The following BRD4 variants were observed in gnomAD, a reference collection of about 807,000 sequenced individuals.
BRD4 encodes the protein bromodomain-containing protein 4.
Under a neutral mutation model 142.1 loss-of-function variants are expected in BRD4, and 16 were observed. The observed-to-expected ratio is 0.11, with a 90% confidence interval of 0.08 to 0.17. The LOEUF is 0.17. Ranked by LOEUF, BRD4 falls within the 10% of genes least tolerant of loss-of-function variation. BRD4 has a pLI of 1.00. For synonymous variants in BRD4, 833 were observed against 707.5 expected (o/e 1.18, Z -2.82); for missense variants, 1,424 against 1,810.9 (o/e 0.79, Z 3.88).
chr19:15,327,992 C>T (rs2145016089), intron 1 of BRD4, among the ~76,000 whole-genome samples: 1 of 141,398 alleles, frequency 7.1e-6, no homozygotes, highest in Middle Eastern at 4.3e-3. Flanking sequence ...CATTTAAAAA[C>T]TGATGATTGT....
In BRD4 at chr19:15,242,991, C is replaced by T. The variant is rs767072313; in HGVS notation, c.3078G>A (p.Gln1026=). The T allele has an allele frequency of 2.8e-5, 21 of 753,324 alleles. No individual in the cohort carries two copies. Among genetic ancestry groups the T allele is most frequent in the Admixed American group, 5.4e-5 (2 of 36,740 alleles). The allele number at this position is 753,324 out of a possible 1,614,324, so 46.7% of individuals were successfully genotyped here. The change falls in exon 14 of 20, where the codon CAG becomes CAA. Residue 1026 remains glutamine, a synonymous_variant. Transcript: ENST00000679869. ...TGGCAGGCTGCGGCGGGGGTGGCTG[C>T]TGGCCTGGGGGCGGATGGGGGGGCT... is the stretch of plus-strand genomic sequence containing the variant. ...GQQPPHPPPG[Q]QPPPPQPAKP...
chr19:15,265,589 G>A lies in BRD4; in HGVS notation c.614C>T (p.Pro205Leu). Residue 205 changes from proline (P) to leucine (L), a missense_variant, in exon 5 of 20, where the codon CCT becomes CTT. Pro to Leu is a moderately conservative substitution (Grantham distance 98, BLOSUM62 -3). Around this residue, in one of 16 missense-constraint regions of BRD4, gnomAD observed 140 missense variants for 131.7 expected, o/e 1.06. Transcript: ENST00000679869. Reference sequence around the variant, plus strand: ...CGGCTGAGGGGTCTGGGTCTGCGGAGGAGTCGATGCTTGAGTTGTGTTTGG... The same window carrying A: ...CGGCTGAGGGGTCTGGGTCTGCGGAAGAGTCGATGCTTGAGTTGTGTTTGG... ...TVPNTTQASTPPQTQTPQPNP... is the reference protein window; with the variant it reads ...TVPNTTQASTLPQTQTPQPNP... 6 of 1,614,152 alleles carry A rather than the reference G, an allele frequency of 3.7e-6. No individual in the cohort carries two copies. Among genetic ancestry groups the A allele is most frequent in the East Asian group, 2.2e-5 (1 of 44,884 alleles).
chr19:15,260,942 G>T (rs1371962609), intron 7 of BRD4, among the ~76,000 whole-genome samples: 1 of 152,234 alleles, frequency 6.6e-6, no homozygotes, highest in Non-Finnish European at 1.5e-5. Context: ...ATCAGAGGGT[G>T]CTTTTTCTTT....
At chr19:15,296,284 C>T (rs2047822256) in intron 1 of BRD4, among the ~76,000 whole-genome samples, 1 of 152,146 alleles carries the variant, frequency 6.6e-6, no homozygotes, top group Non-Finnish European at 1.5e-5. Context: ...CCGAAGACTC[C>T]TGGATAAGAA....
rs1228575969 is a variant in BRD4 at position 15,271,992 on chromosome 19, T to C, written c.285+823A>G. Among the ~76,000 whole-genome samples, 3 of 145,414 alleles carry C rather than the reference T, an allele frequency of 2.1e-5. No individual in the cohort carries two copies. In the Admixed American group the frequency reaches 2.1e-4, roughly 10 times the overall value. On this transcript the variant is annotated intron_variant, in intron 2 of 19. Coordinates refer to ENST00000679869, the MANE Select transcript of BRD4 (RefSeq NM_001379291.1). ...TGGGTCAGTGGCTGCAACCACCTAATGCACTTGCCAGGGGGTGTACAGGAC... is the reference window on the plus strand; with the variant it reads ...TGGGTCAGTGGCTGCAACCACCTAACGCACTTGCCAGGGGGTGTACAGGAC...
intron 1 of BRD4, among the ~76,000 whole-genome samples, chr19:15,331,051 A>G (rs1173810010): frequency 6.6e-6 from 1 of 152,142 alleles, no homozygotes; most frequent in Non-Finnish European, 1.5e-5. Flanking sequence ...TGAGGCATAC[A>G]TTCCAAGGGG....
intron 1 of BRD4, among the ~76,000 whole-genome samples, chr19:15,292,545 G>A (rs1418477849): frequency 1.3e-5 from 2 of 152,194 alleles, no homozygotes; most frequent in South Asian, 2.1e-4. Context: ...CTGGGAGGCC[G>A]AGGCGGGCGG....
chr19:15,315,152 G>GT (rs766690592), intron 1 of BRD4, among the ~76,000 whole-genome samples: 18 of 148,778 alleles, frequency 1.2e-4, no homozygotes, highest in South Asian at 2.1e-4. Flanking sequence ...GACTGGCTTT[G>GT]TTTTTTTTTT....
chr19:15,331,843 G>A (rs1174370965), intron 1 of BRD4: 1 of 147,418 alleles, frequency 6.8e-6, no homozygotes, highest in Non-Finnish European at 1.5e-5. Context: ...TACCCGGGCC[G>A]GGCGCGCCGC....
In BRD4 at chr19:15,238,863, T is replaced by C. The variant is rs762603057; in HGVS notation, c.3900A>G (p.Gln1300=). ...RQEQQQQQQQ[Q]AAAVAAAATP... is the part of the protein sequence containing the mutation. ...TGGCGGCGGCAGCCACCGCAGCTGC[T>C]TGCTGTTGCTGCTGCTGCTGTTGCT... The change falls in exon 19 of 20, where the codon CAA becomes CAG. Residue 1300 remains glutamine (Q), a synonymous_variant. Coordinates refer to ENST00000679869, the MANE Select transcript of BRD4 (RefSeq NM_001379291.1). The surrounding 1 kb of genome is among the most constrained non-coding windows in gnomAD (Gnocchi z 7.2). The C allele has an allele frequency of 1.2e-6, 2 of 1,601,248 alleles. No homozygotes were observed. Among genetic ancestry groups the C allele is most frequent in the Non-Finnish European group, 1.7e-6 (2 of 1,174,600 alleles).
At chr19:15,265,767 G>T in intron 4 of BRD4, 124 bp from the exon 5 acceptor site, 1 of 1,038,286 alleles carries the variant, frequency 9.6e-7, no homozygotes, top group Admixed American at 1.8e-5. Flanking sequence ...CCTGAGAGAC[G>T]AACATCCCAG....
rs560435464 is a variant in BRD4 at position 15,239,452 on chromosome 19, T to G, written c.3516A>C (p.Pro1172=). 6.2e-7 allele frequency: 1 copy of G among 1,614,070 alleles called. No individual in the cohort carries two copies. The highest frequency in any genetic ancestry group is 8.5e-7 in the Non-Finnish European group (1 of 1,180,018). The change falls in exon 17 of 20, where the codon CCA becomes CCC. Residue 1172 remains proline, a synonymous_variant. Transcript: ENST00000679869. This position sits in a 1 kb window ranked among gnomAD's most constrained non-coding sequence, Gnocchi z 7.4. ...IRPPEQNAPP[P]GAPDKDKQKQ... The stretch of plus-strand genomic sequence containing the variant: ...TCTGTTTGTCCTTGTCAGGGGCCCC[T>G]GGTGGCGGTGCGTTCTGCTCTGGGG...
intron 7 of BRD4, among the ~76,000 whole-genome samples, chr19:15,261,875 T>C (rs2047474546): frequency 6.6e-6 from 1 of 152,068 alleles, no homozygotes; most frequent in South Asian, 2.1e-4. Flanking sequence ...GTAAGCAGAA[T>C]GACACCCCGT....
intron 13 of BRD4, among the ~76,000 whole-genome samples, chr19:15,243,707 T>C (rs904557550): frequency 5.3e-5 from 8 of 152,144 alleles, no homozygotes; most frequent in Non-Finnish European, 2.9e-5. Context: ...CTATGCTCTG[T>C]GTCCCCAGCT....
intron 1 of BRD4, among the ~76,000 whole-genome samples, chr19:15,301,381 T>A (rs1410403952): frequency 6.6e-6 from 1 of 151,408 alleles, no homozygotes; most frequent in African/African-American, 2.4e-5. Flanking sequence ...ACCAACATGG[T>A]GAAACCCCGC....
intron 4 of BRD4, among the ~76,000 whole-genome samples, 194 bp from the exon 5 acceptor site, chr19:15,265,837 C>T (rs2047529006): frequency 6.6e-6 from 1 of 152,176 alleles, no homozygotes; most frequent in Admixed American, 6.5e-5. Context: ...CAGAAAACCG[C>T]ACTTCCCATT....
intron 1 of BRD4, among the ~76,000 whole-genome samples, chr19:15,291,861 T>C (rs2047784270): frequency 6.6e-6 from 1 of 152,322 alleles, no homozygotes; most frequent in Non-Finnish European, 1.5e-5. Context: ...CTACTTTGCC[T>C]AGACATTGAT....
At chr19:15,264,048 C>T (rs2047503776) in intron 6 of BRD4, 1 of 262,316 alleles carries the variant, frequency 3.8e-6, no homozygotes, top group Admixed American at 4.9e-5. Flanking sequence ...AGGCCTTCTC[C>T]ACCACAAAGA....
chr19:15,328,346 T>C (rs1042925315), intron 1 of BRD4, among the ~76,000 whole-genome samples: 1 of 152,176 alleles, frequency 6.6e-6, no homozygotes, highest in African/African-American at 2.4e-5. Context: ...TACCCATATG[T>C]GTTTATTGCC....
Sources: gnomAD v4.1 joint callset for allele counts (sites outside exome capture counted in the v4.1 genomes callset) on GRCh38, gnomAD v4.1.1 for gene constraint, gnomAD v4.1.1 regional missense constraint, Gnocchi (gnomAD v3.1) non-coding constraint, MANE v1.5 for transcripts, NCBI Gene and HGNC (gene_info 2026-07-23, HGNC 2026-07-21) for gene names.